Variants in FAT4 observed in about 807,000 individuals in gnomAD.
FAT4 encodes FAT atypical cadherin 4, also known as protocadherin Fat 4.
In FAT4, 84 loss-of-function variants were observed where a neutral mutation model predicts 303.9. That is an observed-to-expected ratio of 0.28 (90% confidence interval 0.23 to 0.33). The LOEUF is 0.33. Among genes scored for constraint, FAT4 ranks in the 10% least tolerant of loss-of-function variants. The probability of loss-of-function intolerance (pLI) is 1.00; values close to 1 mark genes in which losing one functional copy is unlikely to be tolerated. For missense variants in FAT4, 6,005 were observed against 6,146.8 expected (o/e 0.98, Z 0.77); for synonymous variants, 2,307 against 2,298.8 (o/e 1.00, Z -0.10).
intron 10 of FAT4, among the ~76,000 whole-genome samples, chr4:125,462,882 A>G (rs1007508421): frequency 2.6e-5 from 4 of 152,034 alleles, no homozygotes; most frequent in Non-Finnish European, 5.9e-5. Context: ...CTGGCCCATA[A>G]TAAGCACTCA....
chr4:125,344,831 T>C (rs1731936915), intron 2 of FAT4, among the ~76,000 whole-genome samples: 1 of 151,950 alleles, frequency 6.6e-6, no homozygotes, highest in Admixed American at 6.6e-5. Flanking sequence ...CCCACCACCA[T>C]GACTATGATC....
rs1245982410 is a variant in FAT4, at chr4:125,318,661, C to T, written c.2250C>T (p.Ala750=). Residue 750 remains alanine (A), a synonymous_variant, in exon 2 of 18, where the codon GCC becomes GCT. Coordinates refer to ENST00000394329, the MANE Select transcript of FAT4 (RefSeq NM_001291303.3). ...GTGGGGTTATTTCTACAAGAATGGC[C>T]CTAGACAGAGAAGAAAAAACAGCTT... is the stretch of plus-strand genomic sequence containing the variant. ...AQSGVISTRM[A]LDREEKTAYQ... The T allele has an allele frequency of 6.2e-7, 1 of 1,613,832 alleles. No homozygotes were observed. The highest frequency in any genetic ancestry group is 1.3e-5 in the African/African-American group (1 of 74,826).
At position 125,487,531 on chromosome 4, in the gene FAT4, T is replaced by A; in HGVS notation, c.13009T>A (p.Phe4337Ile). 1 of 1,613,908 alleles carries A rather than the reference T, an allele frequency of 6.2e-7. No homozygotes were observed. The highest frequency in any genetic ancestry group is 1.3e-5 in the African/African-American group (1 of 75,024). ...NRDIIHPTQD[F>I]GGLDVLTISL... Reference sequence around the variant, plus strand: ...AGATATTATCCACCCTACTCAGGACTTCGGTGGCCTTGATGTGCTTACTAT... The same window carrying A: ...AGATATTATCCACCCTACTCAGGACATCGGTGGCCTTGATGTGCTTACTAT... Residue 4337 changes from phenylalanine (F) to isoleucine (I), a missense_variant, in exon 17 of 18, where the codon TTC (phenylalanine) becomes ATC (isoleucine). Coordinates refer to ENST00000394329, the MANE Select transcript of FAT4 (RefSeq NM_001291303.3).
At position 125,450,334 on chromosome 4, in the gene FAT4, C is replaced by T. The variant is rs1361792165; in HGVS notation, c.9324C>T (p.Ser3108=). Residue 3108 remains serine, a synonymous_variant, in exon 10 of 18, where the codon TCC becomes TCT. Coordinates refer to ENST00000394329, the MANE Select transcript of FAT4 (RefSeq NM_001291303.3). ...TCCCTGAGAGCCATAGCATTGGGTC[C>T]ATTGTCAGAACTGTTTCTGCAAGAG... is the stretch of plus-strand genomic sequence containing the variant. The part of the protein sequence containing the change: ...ATIPESHSIG[S]IVRTVSARDR... The T allele has an allele frequency of 1.9e-6, 3 of 1,614,078 alleles. No homozygotes were observed. Among genetic ancestry groups the T allele is most frequent in the Non-Finnish European group, 1.7e-6 (2 of 1,179,992 alleles).
rs1345879255 is a variant in FAT4 at position 125,318,204 on chromosome 4, C to G, written c.1793C>G (p.Thr598Arg). The G allele has an allele frequency of 6.2e-7, 1 of 1,614,106 alleles. No individual in the cohort carries two copies. The highest frequency in any genetic ancestry group is 8.5e-7 in the Non-Finnish European group (1 of 1,180,062). Residue 598 changes from threonine to arginine, a missense_variant, in exon 2 of 18, where the codon ACA (threonine) becomes AGA (arginine). Physicochemically the swap from Thr to Arg is moderately conservative, Grantham distance 71. Coordinates refer to ENST00000394329, the MANE Select transcript of FAT4 (RefSeq NM_001291303.3). ...YDVSVVENAP[T>R]GTELLMLRAT... ...GTGTCTGTGGTTGAGAATGCCCCAA[C>G]AGGGACAGAACTGTTGATGCTCAGG...
rs766295190 is a variant in FAT4, at chr4:125,449,017, A to C, written c.8007A>C (p.Pro2669=). ...ITVLDVNDNA[P]IFKEDPFISE... ...TATTAGATGTCAATGATAATGCCCC[A>C]ATTTTTAAGGAAGACCCATTTATAT... The change falls in exon 10 of 18, where the codon CCA becomes CCC. Residue 2669 remains proline, a synonymous_variant. Transcript: ENST00000394329. 16 of 1,613,660 alleles carry C rather than the reference A, an allele frequency of 9.9e-6. No homozygotes were observed. In the East Asian group the frequency reaches 3.1e-4, roughly 31 times the overall value.
chr4:125,437,237 A>G (rs1321952850), intron 8 of FAT4, among the ~76,000 whole-genome samples: 1 of 152,120 alleles, frequency 6.6e-6, no homozygotes, highest in Non-Finnish European at 1.5e-5. Flanking sequence ...TAGCAGGATA[A>G]GGAAAGAGGC....
At chr4:125,488,770 T>C (rs1321619702) in intron 17 of FAT4, among the ~76,000 whole-genome samples, 1 of 152,126 alleles carries the variant, frequency 6.6e-6, no homozygotes, top group Non-Finnish European at 1.5e-5. Flanking sequence ...GCTGGAAATA[T>C]ATATTTAAGA....
intron 2 of FAT4, among the ~76,000 whole-genome samples, chr4:125,334,876 T>C (rs989669010): frequency 6.6e-6 from 1 of 152,152 alleles, no homozygotes; most frequent in Non-Finnish European, 1.5e-5. Context: ...TACCAATTCA[T>C]GTATAGTATA....
In FAT4 at chr4:125,450,756, C is replaced by T. The variant is rs1441350609; in HGVS notation, c.9746C>T (p.Thr3249Ile). ...GACCTCTTTGTCATTGACCCTAACA[C>T]AGGAGTCATAACCACTCAAGGCTTC... ...DSDLFVIDPN[T>I]GVITTQGFLD... Residue 3249 changes from threonine (T) to isoleucine (I), a missense_variant, in exon 10 of 18, where the codon ACA becomes ATA. Thr to Ile is a moderately conservative substitution (Grantham distance 89, BLOSUM62 -1). Transcript: ENST00000394329. 2.5e-6 allele frequency: 4 copies of T among 1,614,010 alleles called. No individual in the cohort carries two copies. The African/African-American group carries it at 4.0e-5, about 16-fold the overall frequency.
At chr4:125,487,203 G>C in intron 16 of FAT4, 142 bp from the exon 17 acceptor site, 1 of 652,700 alleles carries the variant, frequency 1.5e-6, no homozygotes, top group Non-Finnish European at 2.5e-6. Context: ...GACAAAGTGT[G>C]TAAGTATATT....
intron 2 of FAT4, among the ~76,000 whole-genome samples, chr4:125,363,578 C>CTCCTGGGT (rs1370011177): frequency 1.3e-5 from 2 of 151,290 alleles, no homozygotes; most frequent in Non-Finnish European, 2.9e-5. Flanking sequence ...TCACTAAAAC[C>CTCCTGGGT]TCCGCCTCCT....
intron 2 of FAT4, among the ~76,000 whole-genome samples, chr4:125,357,379 GA>G (rs1732473580): frequency 6.6e-6 from 1 of 152,002 alleles, no homozygotes; most frequent in African/African-American, 2.4e-5. Flanking sequence ...GATTCTTGTA[GA>G]GCAAAAAGAC....
At position 125,415,032 on chromosome 4, in the gene FAT4, G is replaced by A; in HGVS notation, c.6069G>A (p.Leu2023=). 6.2e-7 allele frequency: 1 copy of A among 1,614,024 alleles called. No homozygotes were observed. The highest frequency in any genetic ancestry group is 8.5e-7 in the Non-Finnish European group (1 of 1,179,948). ...ACTTGGTTGTTCAAGTGCATGACCT[G>A]CCACAGATTCCAGCCTCCAGATTCA... ...FYNLVVQVHD[L]PQIPASRFTS... The change falls in exon 6 of 18, where the codon CTG becomes CTA. Residue 2023 remains leucine (L), a synonymous_variant. Transcript: ENST00000394329.
At chr4:125,422,451 C>T (rs1422136206) in intron 7 of FAT4, among the ~76,000 whole-genome samples, 1 of 152,176 alleles carries the variant, frequency 6.6e-6, no homozygotes. Flanking sequence ...TACCTCCATG[C>T]TGTTCTCCTG....
intron 2 of FAT4, among the ~76,000 whole-genome samples, chr4:125,387,476 TTTTG>T (rs1297597060): frequency 3.9e-5 from 6 of 152,182 alleles, no homozygotes; most frequent in Admixed American, 2.6e-4. Flanking sequence ...TGTGTTTTTG[TTTTG>T]TTTTTGTTTG....
In FAT4 at chr4:125,449,590, C is replaced by T. The variant is rs144031841; in HGVS notation, c.8580C>T (p.Val2860=). The T allele has an allele frequency of 5.3e-5, 86 of 1,613,630 alleles. No individual in the cohort carries two copies. In the African/African-American group the frequency reaches 9.2e-4, roughly 17 times the overall value. ...HDSGWTVSTD[V]TIFVTDINDN... is the part of the protein sequence containing the mutation. ...CTGGGTGGACTGTAAGTACAGATGT[C>T]ACAATATTTGTGACAGACATCAATG... The change falls in exon 10 of 18, where the codon GTC becomes GTT. Residue 2860 remains valine, a synonymous_variant. Coordinates refer to ENST00000394329, the MANE Select transcript of FAT4 (RefSeq NM_001291303.3).
At chr4:125,360,579 A>G (rs897803846) in intron 2 of FAT4, among the ~76,000 whole-genome samples, 12 of 152,172 alleles carry the variant, frequency 7.9e-5, no homozygotes, top group African/African-American at 2.9e-4. Context: ...GGACCTGAGT[A>G]AACAGTTACT....
rs141816557 is a variant in FAT4 at position 125,408,618 on chromosome 4, C to T, written c.5744C>T (p.Thr1915Ile). ...DYEVQQYYIL[T>I]VRAEDGGGQF... Reference sequence around the variant, plus strand: ...GAAGTACAGCAATATTATATCCTCACTGTTCGAGCAGAAGATGGTGGGGGA... The same window carrying T: ...GAAGTACAGCAATATTATATCCTCATTGTTCGAGCAGAAGATGGTGGGGGA... The change falls in exon 5 of 18, where the codon ACT becomes ATT. Residue 1915 changes from threonine to isoleucine, a missense_variant. Thr to Ile is a moderately conservative substitution (Grantham distance 89). Coordinates refer to ENST00000394329, the MANE Select transcript of FAT4 (RefSeq NM_001291303.3). 6.2e-7 allele frequency: 1 copy of T among 1,612,496 alleles called. No individual in the cohort carries two copies. Among genetic ancestry groups the T allele is most frequent in the Non-Finnish European group, 8.5e-7 (1 of 1,179,140 alleles).
Sources: allele counts gnomAD v4.1 joint callset (sites outside exome capture counted in the v4.1 genomes callset), GRCh38; gene constraint gnomAD v4.1.1; transcripts MANE v1.5; gene names NCBI Gene and HGNC (gene_info 2026-07-23, HGNC 2026-07-21).